Variants in HSPA1L observed in about 807,000 individuals in gnomAD.
The protein encoded by HSPA1L is heat shock 70 kDa protein 1-like.
A neutral mutation model predicts 31.5 loss-of-function variants in HSPA1L; 21 were observed. The ratio of observed to expected loss-of-function variants is 0.67; its 90% CI spans 0.47 to 0.96. HSPA1L has a LOEUF of 0.96. Ranked by LOEUF, HSPA1L falls within the 40% of genes least tolerant of loss-of-function variation. The pLI, the probability that HSPA1L is intolerant of heterozygous loss-of-function variation, is 0.00. For missense variants in HSPA1L, 709 were observed against 813.4 expected (o/e 0.87, Z 1.56); for synonymous variants, 293 against 323.1 (o/e 0.91, Z 1.00).
Position 31,810,777 on chromosome 6 carries a change from G to A in HSPA1L, c.1196C>T (p.Ala399Val), listed in dbSNP as rs555125949. 1.2e-6 allele frequency: 2 copies of A among 1,614,102 alleles called. No homozygotes were observed. The highest frequency in any genetic ancestry group is 2.7e-5 in the African/African-American group (2 of 75,018). The change falls in exon 2 of 2, where the codon GCT becomes GTT. Residue 399 changes from alanine (A) to valine (V), a missense_variant. Transcript: ENST00000375654. ...CGTCTCCAGCCCCAGGGACAGGGGA[G>A]CCACGTCCAGCAGCAGCAGGTCCTG... is the stretch of plus-strand genomic sequence containing the variant. ...KVQDLLLLDV[A>V]PLSLGLETAG...
intron 1 of HSPA1L, among the ~76,000 whole-genome samples, chr6:31,812,468 C>A (rs1444328682): frequency 6.6e-6 from 1 of 151,962 alleles, no homozygotes; most frequent in Non-Finnish European, 1.5e-5. Flanking sequence ...CCACCGTGAC[C>A]AGCTCTCTGC....
At chr6:31,813,557 G>A (rs553174026) in intron 1 of HSPA1L, among the ~76,000 whole-genome samples, 106 of 152,168 alleles carry the variant, frequency 7.0e-4, no homozygotes, top group Admixed American at 2.8e-3. Context: ...CGCCCGCCTC[G>A]GTCTCCCTAA....
In HSPA1L at chr6:31,815,070, G is replaced by A. The variant is rs1335766228; in HGVS notation, c.-195C>T. On this transcript the variant is annotated 5_prime_UTR_variant, in exon 1 of 2. Coordinates refer to ENST00000375654, the MANE Select transcript of HSPA1L (RefSeq NM_005527.4). ...AATCTTTTTCCAAACTGGCCCATGAGGTCAGAGACAGTATCTCCATTGTAA... is the reference window on the plus strand; with the variant it reads ...AATCTTTTTCCAAACTGGCCCATGAAGTCAGAGACAGTATCTCCATTGTAA... The A allele has an allele frequency of 1.0e-6, 1 of 978,674 alleles. No homozygotes were observed. The highest frequency in any genetic ancestry group is 6.3e-5 in the Admixed American group (1 of 15,836). 60.6% of individuals were successfully genotyped at this position (978,674 alleles called of 1,614,324 possible). A position where few individuals can be genotyped will look rare whatever the true frequency, so the allele number is the denominator to read the frequency against.
intron 1 of HSPA1L, among the ~76,000 whole-genome samples, chr6:31,812,927 T>C (rs1002613873): frequency 6.6e-6 from 1 of 152,022 alleles, no homozygotes; most frequent in Non-Finnish European, 1.5e-5. Context: ...GCTCATAGGA[T>C]CCTTTTGTCT....
At chr6:31,813,683 C>T (rs1815605379) in intron 1 of HSPA1L, among the ~76,000 whole-genome samples, 1 of 152,128 alleles carries the variant, frequency 6.6e-6, no homozygotes, top group Non-Finnish European at 1.5e-5. Context: ...TATGAGCAAG[C>T]CTATACAAAT....
chr6:31,811,255 C>A lies in HSPA1L; in HGVS notation c.718G>T (p.Val240Leu), dbSNP rs1281058142. Residue 240 changes from valine to leucine, a missense_variant, in exon 2 of 2, where the codon GTG (valine) becomes TTG (leucine). Coordinates refer to ENST00000375654, the MANE Select transcript of HSPA1L (RefSeq NM_005527.4). ...TTGAACTCCTCCACGAAGTGGCTCACAAGCCTGTTGTCAAAGTCCTCCCCA... is the reference window on the plus strand; with the variant it reads ...TTGAACTCCTCCACGAAGTGGCTCAAAAGCCTGTTGTCAAAGTCCTCCCCA... ...LGGEDFDNRLVSHFVEEFKRK... is the reference protein window; with the variant it reads ...LGGEDFDNRLLSHFVEEFKRK... The A allele has an allele frequency of 2.5e-6, 4 of 1,614,140 alleles. No individual in the cohort carries two copies. Among genetic ancestry groups the A allele is most frequent in the Non-Finnish European group, 2.5e-6 (3 of 1,180,044 alleles).
rs773857258 is a variant in HSPA1L, at chr6:31,810,412, C to CCATG, written c.1557_1560dup (p.Val521HisfsTer6). The CCATG allele has an allele frequency of 1.9e-6, 3 of 1,613,840 alleles. No homozygotes were observed. Among genetic ancestry groups the CCATG allele is most frequent in the Non-Finnish European group, 2.5e-6 (3 of 1,179,910 alleles). On this transcript the variant is annotated frameshift_variant, in exon 2 of 2. Coordinates refer to ENST00000375654, the MANE Select transcript of HSPA1L (RefSeq NM_005527.4). LOFTEE classifies it high-confidence loss of function. ...GCTTTATATTTCTCAGCATCCAGAA[C>CCATG]CATGCGCTCAATCTCCTCCTTGCTC... is the stretch of plus-strand genomic sequence containing the variant.
In HSPA1L at chr6:31,811,715, T is replaced by A; in HGVS notation, c.258A>T (p.Gln86His). Reference sequence around the variant, plus strand: ...GAAAAGGCCAAAGTTTCATATCTGCTTGTACAACAGGATCATTAAATTTCC... The same window carrying A: ...GAAAAGGCCAAAGTTTCATATCTGCATGTACAACAGGATCATTAAATTTCC... The part of the protein sequence containing the change: ...IGRKFNDPVV[Q>H]ADMKLWPFQV... Residue 86 changes from glutamine (Q) to histidine (H), a missense_variant, in exon 2 of 2, where the codon CAA (glutamine) becomes CAT (histidine). Physicochemically the swap from Gln to His is conservative, Grantham distance 24. Transcript: ENST00000375654. 6.2e-7 allele frequency: 1 copy of A among 1,614,158 alleles called. No individual in the cohort carries two copies. The highest frequency in any genetic ancestry group is 8.5e-7 in the Non-Finnish European group (1 of 1,180,010).
Position 31,810,703 on chromosome 6 carries a change from T to C in HSPA1L, c.1270A>G (p.Thr424Ala), listed in dbSNP as rs1815347135. ...ALIKRNSTIPTKQTQIFTTYS... is the reference protein window; with the variant it reads ...ALIKRNSTIPAKQTQIFTTYS... ...GTGGTGAAAATCTGTGTCTGCTTGG[T>C]GGGGATGGTGGAGTTGCGCTTTATC... Residue 424 changes from threonine to alanine, a missense_variant, in exon 2 of 2, where the codon ACC becomes GCC. By Grantham distance (58) the Thr-to-Ala change is moderately conservative. Transcript: ENST00000375654. 1 of 1,613,962 alleles carries C rather than the reference T, an allele frequency of 6.2e-7. No individual in the cohort carries two copies. The highest frequency in any genetic ancestry group is 8.5e-7 in the Non-Finnish European group (1 of 1,179,980).
At chr6:31,814,671 G>A (rs1381737058) in intron 1 of HSPA1L, among the ~76,000 whole-genome samples, 1 of 8,844 alleles carries the variant, frequency 1.1e-4, no homozygotes, top group Non-Finnish European at 2.1e-4. Context: ...CCATTTCCCC[G>A]ACAGGCCGCA....
In HSPA1L at chr6:31,810,424, TCTC is replaced by T. The variant is rs761681657; in HGVS notation, c.1546_1548del (p.Glu516del). 2 of 1,613,842 alleles carry T rather than the reference TCTC, an allele frequency of 1.2e-6. No individual in the cohort carries two copies. The highest frequency in any genetic ancestry group is 2.2e-5 in the East Asian group (1 of 44,902). ...TCAGCATCCAGAACCATGCGCTCAA[TCTC>T]CTCCTTGCTCAGGCGGCCCTTGTCA... On this transcript the variant is annotated inframe_deletion, in exon 2 of 2. Transcript: ENST00000375654.
intron 1 of HSPA1L, 96 bp downstream of exon 1, chr6:31,814,793 A>C (rs1453281181): frequency 3.4e-6 from 2 of 580,450 alleles, no homozygotes; most frequent in African/African-American, 4.1e-5. Context: ...CACATACCTC[A>C]GGCTTAAACC....
chr6:31,813,848 T>C (rs1295928781), intron 1 of HSPA1L, among the ~76,000 whole-genome samples: 1 of 152,236 alleles, frequency 6.6e-6, no homozygotes, highest in Non-Finnish European at 1.5e-5. Context: ...TATATTTTAC[T>C]GTGGGATTCT....
Position 31,810,988 on chromosome 6 carries a change from C to A in HSPA1L, c.985G>T (p.Asp329Tyr). The change falls in exon 2 of 2, where the codon GAT becomes TAT. Residue 329 changes from aspartate (D) to tyrosine (Y), a missense_variant. Transcript: ENST00000375654. ...VEKALRDAKM[D>Y]KAKIHDIVLV... ...ACAATGTCATGGATTTTAGCCTTAT[C>A]CATCTTGGCATCCCGAAGCGCTTTT... 1 of 1,614,202 alleles carries A rather than the reference C, an allele frequency of 6.2e-7. No homozygotes were observed. Among genetic ancestry groups the A allele is most frequent in the Non-Finnish European group, 8.5e-7 (1 of 1,180,014 alleles).
chr6:31,811,334 G>A lies in HSPA1L; in HGVS notation c.639C>T (p.Thr213=), dbSNP rs1581696065. 6.2e-7 allele frequency: 1 copy of A among 1,614,098 alleles called. No homozygotes were observed. Among genetic ancestry groups the A allele is most frequent in the African/African-American group, 1.3e-5 (1 of 75,016 alleles). ...TTACCTCAAAAATCCCATCATCTATGGTCAGAATTGACACATCAAATGTGC... is the reference window on the plus strand; with the variant it reads ...TTACCTCAAAAATCCCATCATCTATAGTCAGAATTGACACATCAAATGTGC... The part of the protein sequence containing the change: ...GGGTFDVSIL[T]IDDGIFEVKA... The change falls in exon 2 of 2, where the codon ACC becomes ACT. Residue 213 remains threonine (T), a synonymous_variant. Coordinates refer to ENST00000375654, the MANE Select transcript of HSPA1L (RefSeq NM_005527.4).
At chr6:31,813,117 C>T (rs988020501) in intron 1 of HSPA1L, among the ~76,000 whole-genome samples, 1 of 152,172 alleles carries the variant, frequency 6.6e-6, no homozygotes, top group East Asian at 1.9e-4. Flanking sequence ...GCCAAGGCGC[C>T]CGACCTCTTT....
chr6:31,811,103 A>G lies in HSPA1L; in HGVS notation c.870T>C (p.Tyr290=), dbSNP rs750289412. The stretch of plus-strand genomic sequence containing the variant: ...TGGATGTATAGAAGTCAATGCCTTC[A>G]TAAAGTGAATCAATTTCTAGGTTGG... ...TQANLEIDSL[Y]EGIDFYTSIT... Residue 290 remains tyrosine, a synonymous_variant, in exon 2 of 2, where the codon TAT becomes TAC. Coordinates refer to ENST00000375654, the MANE Select transcript of HSPA1L (RefSeq NM_005527.4). The G allele has an allele frequency of 8.1e-6, 13 of 1,614,238 alleles. 1 individual carries two copies. The East Asian group carries it at 1.6e-4, about 19-fold the overall frequency.
At position 31,811,689 on chromosome 6, in the gene HSPA1L, T is replaced by C; in HGVS notation, c.284A>G (p.Gln95Arg). 6.2e-7 allele frequency: 1 copy of C among 1,614,204 alleles called. No individual in the cohort carries two copies. The highest frequency in any genetic ancestry group is 8.5e-7 in the Non-Finnish European group (1 of 1,180,050). ...GGGCTTGCCTCCTTCATTAATCACT[T>C]GAAAAGGCCAAAGTTTCATATCTGC... ...VQADMKLWPF[Q>R]VINEGGKPKV... The change falls in exon 2 of 2, where the codon CAA (glutamine) becomes CGA (arginine). Residue 95 changes from glutamine to arginine, a missense_variant. Coordinates refer to ENST00000375654, the MANE Select transcript of HSPA1L (RefSeq NM_005527.4).
In HSPA1L at chr6:31,815,085, C is replaced by T; in HGVS notation, c.-210G>A. The T allele has an allele frequency of 3.1e-6, 3 of 978,238 alleles. No homozygotes were observed. Among genetic ancestry groups the T allele is most frequent in the Non-Finnish European group, 3.7e-6 (3 of 821,432 alleles). 60.6% of individuals were successfully genotyped at this position (978,238 alleles called of 1,614,324 possible). A position where few individuals can be genotyped will look rare whatever the true frequency, so the allele number is the denominator to read the frequency against. The stretch of plus-strand genomic sequence containing the variant: ...TGGCCCATGAGGTCAGAGACAGTAT[C>T]TCCATTGTAACGTGGCCGGGCGGTG... On this transcript the variant is annotated 5_prime_UTR_variant, in exon 1 of 2. Coordinates refer to ENST00000375654, the MANE Select transcript of HSPA1L (RefSeq NM_005527.4).
Sources: gnomAD v4.1 joint callset for allele counts (sites outside exome capture counted in the v4.1 genomes callset) on GRCh38, gnomAD v4.1.1 for gene constraint, MANE v1.5 for transcripts, NCBI Gene and HGNC (gene_info 2026-07-23, HGNC 2026-07-21) for gene names.